The following PRR5L variants were observed in gnomAD, a reference collection of about 807,000 sequenced individuals.
PRR5L encodes proline rich 5 like, also known as proline-rich protein 5-like.
In PRR5L, 21 loss-of-function variants were observed where a neutral mutation model predicts 36.4. The observed-to-expected ratio is 0.58, with a 90% CI of 0.41 to 0.83. PRR5L has a LOEUF of 0.83. PRR5L is among the 40% of genes least tolerant of loss of function. The pLI is 0.00. For missense variants in PRR5L, 381 were observed against 473.3 expected, an observed-to-expected ratio of 0.80 and a Z score of 1.81; for synonymous variants, 188 against 197.0, an observed-to-expected ratio of 0.95 and a Z score of 0.38.
chr11:36,446,363 G>A lies in PRR5L; in HGVS notation c.508G>A (p.Val170Met), dbSNP rs1430225611. The A allele has an allele frequency of 2.5e-6, 4 of 1,614,022 alleles. No homozygotes were observed. In the Admixed American group the frequency reaches 6.7e-5, roughly 27 times the overall value. ...LGFRDLVLLK[V>M]KLGDLLLLAQ... is the part of the protein sequence containing the mutation. ...CTTCCGAGACCTAGTCTTGCTGAAG[G>A]TGAAGCTGGGTGACCTGCTGCTGCT... Residue 170 changes from valine to methionine, a missense_variant, in exon 7 of 9, where the codon GTG (valine) becomes ATG (methionine). Val to Met is a conservative substitution (Grantham distance 21). Coordinates refer to ENST00000530639, the MANE Select transcript of PRR5L (RefSeq NM_001160167.2).
chr11:36,298,501 C>T lies in PRR5L; in HGVS notation c.-126+2063C>T, dbSNP rs191345828. On this transcript the variant is annotated intron_variant, in intron 1 of 8. Coordinates refer to ENST00000530639, the MANE Select transcript of PRR5L (RefSeq NM_001160167.2). ...CATAAGGAGCATGCAAACTAGACCC[C>T]TCACATGCGCAGTTCACAATAGGGT... is the stretch of plus-strand genomic sequence containing the variant. 3.1e-3 allele frequency among the ~76,000 whole-genome samples: 468 copies of T among 152,244 alleles called. 2 individuals are homozygous for T. The highest frequency in any genetic ancestry group is 0.011 in the African/African-American group (449 of 41,542).
intron 7 of PRR5L, among the ~76,000 whole-genome samples, chr11:36,449,194 T>C (rs1858895038): frequency 6.6e-6 from 1 of 152,204 alleles, no homozygotes; most frequent in Non-Finnish European, 1.5e-5. Flanking sequence ...GCAAGGGCGA[T>C]GGCCTCTGGA....
At chr11:36,397,307 A>G (rs1857683295) in intron 1 of PRR5L, among the ~76,000 whole-genome samples, 1 of 151,574 alleles carries the variant, frequency 6.6e-6, no homozygotes. Context: ...CTCGAGATCT[A>G]CCCATCTTGG....
rs79246643 is a variant in PRR5L, at chr11:36,373,324, G to T, written c.-125-27673G>T. The stretch of plus-strand genomic sequence containing the variant: ...CTGTTTCTTAATAAGAAAAAGCAAA[G>T]TCCCATTGACATTTAGGTAGAATTT... On this transcript the variant is annotated intron_variant, in intron 1 of 8. Coordinates refer to ENST00000530639, the MANE Select transcript of PRR5L (RefSeq NM_001160167.2). Among the ~76,000 whole-genome samples the T allele has an allele frequency of 7.8e-3, 1,186 of 152,240 alleles. 25 individuals carry two copies. Among genetic ancestry groups the T allele is most frequent in the East Asian group, 0.048 (248 of 5,182 alleles).
intron 1 of PRR5L, among the ~76,000 whole-genome samples, chr11:36,371,085 A>G (rs550395978): frequency 6.6e-6 from 1 of 152,168 alleles, no homozygotes; most frequent in Non-Finnish European, 1.5e-5. Context: ...AAAGACAGAA[A>G]CGATGATAAA....
chr11:36,433,670 C>T (rs1411869757), intron 5 of PRR5L, among the ~76,000 whole-genome samples: 3 of 152,182 alleles, frequency 2.0e-5, no homozygotes, highest in African/African-American at 7.2e-5. Context: ...ATGCCTCAGC[C>T]TCTTGAATAG....
rs192606144 is a variant in PRR5L, at chr11:36,370,604, G to A, written c.-125-30393G>A. Among the ~76,000 whole-genome samples the A allele has an allele frequency of 9.0e-4, 137 of 152,266 alleles. 1 individual carries two copies. The highest frequency in any genetic ancestry group is 3.1e-3 in the African/African-American group (127 of 41,562). ...ATCCTTGAAAGTTATCCAAGAGGCC[G>A]GGCGAGGTGGCTCACGCCTGTAATC... On this transcript the variant is annotated intron_variant, in intron 1 of 8. Coordinates refer to ENST00000530639, the MANE Select transcript of PRR5L (RefSeq NM_001160167.2).
intron 3 of PRR5L, among the ~76,000 whole-genome samples, chr11:36,418,075 G>T (rs1170213518): frequency 3.3e-5 from 5 of 152,152 alleles, no homozygotes; most frequent in Admixed American, 2.0e-4. Flanking sequence ...AAGATTCGTT[G>T]AAATCATCTT....
At chr11:36,311,769 C>G (rs1856505724) in intron 1 of PRR5L, among the ~76,000 whole-genome samples, 1 of 151,858 alleles carries the variant, frequency 6.6e-6, no homozygotes, top group Non-Finnish European at 1.5e-5. Flanking sequence ...TTTTGGATGT[C>G]TATCTATCTT....
At chr11:36,334,566 C>G (rs1164101946) in intron 1 of PRR5L, among the ~76,000 whole-genome samples, 1 of 152,224 alleles carries the variant, frequency 6.6e-6, no homozygotes, top group African/African-American at 2.4e-5. Context: ...CCTTTCCCCT[C>G]CCTCTTTGCC....
At chr11:36,353,283 C>A (rs1243678078) in intron 1 of PRR5L, among the ~76,000 whole-genome samples, 2 of 152,074 alleles carry the variant, frequency 1.3e-5, no homozygotes, top group Admixed American at 1.3e-4. Context: ...TGTGGAGGGA[C>A]AAAATTGCCC....
At chr11:36,417,091 G>T (rs1858161173) in intron 3 of PRR5L, among the ~76,000 whole-genome samples, 1 of 152,090 alleles carries the variant, frequency 6.6e-6, no homozygotes, top group African/African-American at 2.4e-5. Flanking sequence ...TTCCCACTGT[G>T]GGTTCCTTGG....
At chr11:36,342,475 G>C (rs1856826836) in intron 1 of PRR5L, among the ~76,000 whole-genome samples, 1 of 152,158 alleles carries the variant, frequency 6.6e-6, no homozygotes, top group Non-Finnish European at 1.5e-5. Flanking sequence ...TGTGTGCCAG[G>C]TCTACCTCCA....
chr11:36,351,448 T>C lies in PRR5L; in HGVS notation c.-125-49549T>C, dbSNP rs1178087827. ...TTATATATTTATATATACATATATA[T>C]TTATATATTTATATATTTATATATA... On this transcript the variant is annotated intron_variant, in intron 1 of 8. Transcript: ENST00000530639. Among the ~76,000 whole-genome samples, 54 of 41,808 alleles carry C rather than the reference T, an allele frequency of 1.3e-3. 4 individuals carry two copies. Among genetic ancestry groups the C allele is most frequent in the African/African-American group, 5.7e-3 (54 of 9,430 alleles). 27.4% of individuals were successfully genotyped at this position (41,808 alleles called of 152,430 possible).
At chr11:36,335,714 C>G (rs912142417) in intron 1 of PRR5L, among the ~76,000 whole-genome samples, 11 of 152,108 alleles carry the variant, frequency 7.2e-5, no homozygotes, top group Non-Finnish European at 4.4e-5. Flanking sequence ...GGAGCTTTGA[C>G]AGGATAATTA....
chr11:36,325,344 C>T (rs1407379776), intron 1 of PRR5L, among the ~76,000 whole-genome samples: 2 of 152,236 alleles, frequency 1.3e-5, no homozygotes, highest in Admixed American at 6.5e-5. Flanking sequence ...TGGAAGTCAG[C>T]GGCAGGTCTG....
At chr11:36,349,075 G>A (rs565832423) in intron 1 of PRR5L, among the ~76,000 whole-genome samples, 37 of 152,054 alleles carry the variant, frequency 2.4e-4, no homozygotes, top group Middle Eastern at 3.4e-3. Context: ...ACTTGAGGCC[G>A]GGAGTTCAAG....
At chr11:36,410,019 G>A (rs578087333) in intron 3 of PRR5L, among the ~76,000 whole-genome samples, 33 of 152,324 alleles carry the variant, frequency 2.2e-4, no homozygotes, top group Admixed American at 1.2e-3. Flanking sequence ...GAGGTAAGGG[G>A]GGCATTGCCC....
rs540538188 is a variant in PRR5L at position 36,432,838 on chromosome 11, G to A, written c.352+928G>A. Among the ~76,000 whole-genome samples the A allele has an allele frequency of 2.3e-3, 348 of 152,230 alleles. 2 individuals carry two copies. Among genetic ancestry groups the A allele is most frequent in the Middle Eastern group, 0.017 (5 of 294 alleles). On this transcript the variant is annotated intron_variant, in intron 5 of 8. Transcript: ENST00000530639. ...TCTTCCCATTCCCTGGGAAAGACAC[G>A]AGTGTGTCCAGGAAAGGGGCTCCTA... is the stretch of plus-strand genomic sequence containing the variant.
Sources: allele counts gnomAD v4.1 joint callset (sites outside exome capture counted in the v4.1 genomes callset), GRCh38; gene constraint gnomAD v4.1.1; transcripts MANE v1.5; gene names NCBI Gene and HGNC (gene_info 2026-07-23, HGNC 2026-07-21).